Variants in SLC4A10 observed in about 807,000 individuals in gnomAD.
SLC4A10 encodes sodium-driven chloride bicarbonate exchanger.
SLC4A10 carries 42 observed loss-of-function variants against 137.7 expected under a neutral mutation model. The ratio of observed to expected loss-of-function variants is 0.30; its 90% CI spans 0.24 to 0.39. The LOEUF is 0.39. Ranked by LOEUF, SLC4A10 falls within the 10% of genes least tolerant of loss-of-function variation. The pLI, the probability that SLC4A10 is intolerant of heterozygous loss-of-function variation, is 1.00. For synonymous variants in SLC4A10, 474 were observed against 464.1 expected (o/e 1.02, Z -0.27); for missense variants, 925 against 1,355.0 (o/e 0.68, Z 4.98).
At chr2:161,943,699 T>C (rs1349318096) in intron 16 of SLC4A10, among the ~76,000 whole-genome samples, 2 of 152,010 alleles carry the variant, frequency 1.3e-5, no homozygotes, top group Non-Finnish European at 2.9e-5. Context: ...GCTATAAACA[T>C]TACAGGTTCA....
At chr2:161,677,565 G>A (rs2040403199) in intron 1 of SLC4A10, among the ~76,000 whole-genome samples, 1 of 152,254 alleles carries the variant, frequency 6.6e-6, no homozygotes, top group East Asian at 1.9e-4. Flanking sequence ...AGTTCATTAT[G>A]GATTGGGAAG....
At chr2:161,817,972 T>A (rs1231222439) in intron 3 of SLC4A10, among the ~76,000 whole-genome samples, 1 of 151,596 alleles carries the variant, frequency 6.6e-6, no homozygotes, top group Admixed American at 6.6e-5. Flanking sequence ...GGTTCTTTTT[T>A]GGTTCCATAT....
At chr2:161,625,473 A>C (rs990505745) in intron 1 of SLC4A10, among the ~76,000 whole-genome samples, 1 of 152,032 alleles carries the variant, frequency 6.6e-6, no homozygotes, top group Non-Finnish European at 1.5e-5. Flanking sequence ...GCTTCCAGCC[A>C]TCTATCAGTG....
intron 1 of SLC4A10, among the ~76,000 whole-genome samples, chr2:161,759,497 G>A (rs1166972714): frequency 2.0e-5 from 3 of 151,814 alleles, no homozygotes; most frequent in Non-Finnish European, 4.4e-5. Context: ...ATGCTCCTCA[G>A]TCCCTGGCAA....
At position 161,773,608 on chromosome 2, in the gene SLC4A10, G is replaced by A. The variant is rs144706213; in HGVS notation, c.130+2554G>A. Among the ~76,000 whole-genome samples, 1,057 of 151,880 alleles carry A rather than the reference G, an allele frequency of 7.0e-3. 12 individuals are homozygous for A. The highest frequency in any genetic ancestry group is 0.023 in the African/African-American group (953 of 41,472). Reference sequence around the variant, plus strand: ...ATATTTATTTAATGAAATTACTGGTGTAATGTAACATTCTGAGTACAGGTT... The same window carrying A: ...ATATTTATTTAATGAAATTACTGGTATAATGTAACATTCTGAGTACAGGTT... On this transcript the variant is annotated intron_variant, in intron 2 of 26. Transcript: ENST00000446997.
chr2:161,746,484 C>T (rs902172363), intron 1 of SLC4A10, among the ~76,000 whole-genome samples: 8 of 151,894 alleles, frequency 5.3e-5, no homozygotes, highest in African/African-American at 1.2e-4. Flanking sequence ...CACTTCAGGG[C>T]GCAGGTTCCT....
chr2:161,660,876 G>C (rs1385538156), intron 1 of SLC4A10, among the ~76,000 whole-genome samples: 2 of 150,980 alleles, frequency 1.3e-5, no homozygotes, highest in African/African-American at 4.9e-5. Flanking sequence ...TAGCCAGGAT[G>C]GTCTAGATCT....
intron 1 of SLC4A10, among the ~76,000 whole-genome samples, chr2:161,702,834 T>C (rs964702534): frequency 1.3e-4 from 20 of 151,860 alleles, no homozygotes; most frequent in African/African-American, 4.3e-4. Flanking sequence ...TGTATCTTTG[T>C]CTATAAGCGT....
At chr2:161,798,705 T>C (rs1418095513) in intron 2 of SLC4A10, among the ~76,000 whole-genome samples, 1 of 151,460 alleles carries the variant, frequency 6.6e-6, no homozygotes, top group African/African-American at 2.4e-5. Flanking sequence ...CATATGTGTC[T>C]TTAAGTTAGA....
At chr2:161,982,402 C>G (rs1253852111) in intron 26 of SLC4A10, among the ~76,000 whole-genome samples, 3 of 151,964 alleles carry the variant, frequency 2.0e-5, no homozygotes, top group Admixed American at 2.0e-4. Flanking sequence ...GAAAAGTGTA[C>G]GATGGGAAAA....
intron 2 of SLC4A10, among the ~76,000 whole-genome samples, chr2:161,779,206 T>G (rs1409672058): frequency 2.0e-5 from 3 of 151,948 alleles, no homozygotes; most frequent in Non-Finnish European, 2.9e-5. Context: ...TTATGAGAAC[T>G]AATGCCATCT....
intron 1 of SLC4A10, among the ~76,000 whole-genome samples, chr2:161,627,982 A>G (rs1297364192): frequency 2.0e-5 from 3 of 152,130 alleles, no homozygotes; most frequent in African/African-American, 7.2e-5. Flanking sequence ...TTTCTCTTCA[A>G]AATATTTAAT....
chr2:161,663,973 C>G (rs1014814316), intron 1 of SLC4A10, among the ~76,000 whole-genome samples: 2 of 151,840 alleles, frequency 1.3e-5, no homozygotes, highest in Admixed American at 1.3e-4. Context: ...CAAGAAATTT[C>G]CTGAGGCAAA....
At chr2:161,637,171 A>C (rs1381080439) in intron 1 of SLC4A10, among the ~76,000 whole-genome samples, 1 of 148,662 alleles carries the variant, frequency 6.7e-6, no homozygotes, top group Non-Finnish European at 1.5e-5. Flanking sequence ...GTATATATAC[A>C]TATATACATA....
chr2:161,808,217 C>A (rs1362581326), intron 3 of SLC4A10, among the ~76,000 whole-genome samples: 2 of 151,930 alleles, frequency 1.3e-5, no homozygotes, highest in South Asian at 2.1e-4. Context: ...TATTTAAATT[C>A]TTTCTTCAAA....
intron 1 of SLC4A10, among the ~76,000 whole-genome samples, chr2:161,708,294 T>C (rs1489576545): frequency 1.3e-5 from 2 of 151,472 alleles, no homozygotes; most frequent in East Asian, 3.9e-4. Flanking sequence ...GCCTAAAGCT[T>C]AGTCACATAT....
intron 1 of SLC4A10, among the ~76,000 whole-genome samples, chr2:161,737,152 C>A (rs956497826): frequency 1.3e-5 from 2 of 152,114 alleles, no homozygotes; most frequent in Non-Finnish European, 2.9e-5. Flanking sequence ...AGCCACCATG[C>A]CTGGCAAAAT....
chr2:161,689,513 T>G (rs889273072), intron 1 of SLC4A10, among the ~76,000 whole-genome samples: 1 of 152,216 alleles, frequency 6.6e-6, no homozygotes, highest in Non-Finnish European at 1.5e-5. Context: ...CCTTATAGCA[T>G]AGGTGTGTAG....
chr2:161,766,763 T>C (rs2050844162), intron 1 of SLC4A10, among the ~76,000 whole-genome samples: 1 of 151,942 alleles, frequency 6.6e-6, no homozygotes, highest in African/African-American at 2.4e-5. Context: ...TTTATTGCTC[T>C]AACCAAGTCA....
Sources: gnomAD v4.1 joint callset for allele counts (sites outside exome capture counted in the v4.1 genomes callset) on GRCh38, gnomAD v4.1.1 for gene constraint, MANE v1.5 for transcripts, NCBI Gene and HGNC (gene_info 2026-07-23, HGNC 2026-07-21) for gene names.